ITGBL1: variants seen among roughly 807,000 people sequenced by gnomAD.
ITGBL1 encodes the protein integrin subunit beta like 1.
A neutral mutation model predicts 68.5 loss-of-function variants in ITGBL1; 51 were observed. The observed-to-expected ratio is 0.74, with a 90% CI of 0.59 to 0.94. The LOEUF is 0.94. ITGBL1 is among the 40% of genes least tolerant of loss of function. The pLI, the probability that ITGBL1 is intolerant of heterozygous loss-of-function variation, is 0.00. For missense variants in ITGBL1, 649 were observed against 647.4 expected (o/e 1.00, Z -0.03); for synonymous variants, 209 against 227.3 (o/e 0.92, Z 0.72).
chr13:101,713,016 C>T lies in ITGBL1; in HGVS notation c.1280-1422C>T, dbSNP rs149680966. ...AACCTGGACCCTCAGGAAAACAAGT[C>T]AAGACTAAATACAATTATGCCATAG... On this transcript the variant is annotated intron_variant, in intron 9 of 10. Coordinates refer to ENST00000376180, the MANE Select transcript of ITGBL1 (RefSeq NM_004791.3). 81 of 152,266 alleles carry T rather than the reference C, an allele frequency of 5.3e-4. 1 individual carries two copies. The highest frequency in any genetic ancestry group is 1.8e-3 in the African/African-American group (76 of 41,556). 9.4% of individuals were successfully genotyped at this position (152,266 alleles called of 1,614,324 possible). A position where few individuals can be genotyped will look rare whatever the true frequency, so the allele number is the denominator to read the frequency against.
At chr13:101,496,640 C>A (rs970075364) in intron 2 of ITGBL1, among the ~76,000 whole-genome samples, 3 of 152,110 alleles carry the variant, frequency 2.0e-5, no homozygotes, top group Non-Finnish European at 2.9e-5. Flanking sequence ...TCCCTTGGAA[C>A]CTTTTACCCT....
chr13:101,720,693 G>GA (rs1023137885), downstream of ITGBL1: 2 of 151,922 alleles, frequency 1.3e-5, no homozygotes, highest in African/African-American at 4.8e-5. Flanking sequence ...TATGTTTTCT[G>GA]AAAATAATTG....
chr13:101,461,424 C>T (rs145175768), intron 2 of ITGBL1, among the ~76,000 whole-genome samples: 4 of 152,240 alleles, frequency 2.6e-5, no homozygotes, highest in African/African-American at 9.6e-5. Flanking sequence ...GGTGTAGTGG[C>T]TCACATCGCC....
At chr13:101,659,039 A>ATTTTTTTTTTTT (rs55935871) in intron 7 of ITGBL1, among the ~76,000 whole-genome samples, 1 of 103,848 alleles carries the variant, frequency 9.6e-6, no homozygotes, top group Non-Finnish European at 1.8e-5. Flanking sequence ...TGGTGATTGA[A>ATTTTTTTTTTTT]TTTTTTTTTT....
At chr13:101,676,244 A>G (rs1369499440) in intron 7 of ITGBL1, among the ~76,000 whole-genome samples, 1 of 151,874 alleles carries the variant, frequency 6.6e-6, no homozygotes, top group African/African-American at 2.4e-5. Context: ...TGGTGTGTTT[A>G]AACATTGTTT....
intron 7 of ITGBL1, among the ~76,000 whole-genome samples, chr13:101,645,034 C>T (rs549403355): frequency 1.3e-5 from 2 of 152,222 alleles, no homozygotes; most frequent in African/African-American, 4.8e-5. Context: ...GACTCAATAA[C>T]AGACACACCC....
At chr13:101,672,228 T>A (rs928266017) in intron 7 of ITGBL1, among the ~76,000 whole-genome samples, 6 of 152,230 alleles carry the variant, frequency 3.9e-5, no homozygotes, top group African/African-American at 1.4e-4. Flanking sequence ...ATGTTGGCCC[T>A]GTGCATAGTT....
At chr13:101,598,036 T>A (rs1594915895) in intron 6 of ITGBL1, 117 bp from the exon 7 acceptor site, 2 of 923,124 alleles carry the variant, frequency 2.2e-6, no homozygotes, top group African/African-American at 3.3e-5. Flanking sequence ...CTTAATATGT[T>A]ATATTATGTT....
chr13:101,625,269 G>T lies in ITGBL1; in HGVS notation c.1015+26970G>T, dbSNP rs189684993. 3.1e-4 allele frequency among the ~76,000 whole-genome samples: 47 copies of T among 152,294 alleles called. 1 individual carries two copies. The South Asian group carries it at 8.9e-3, about 29-fold the overall frequency. On this transcript the variant is annotated intron_variant, in intron 7 of 10. Transcript: ENST00000376180. ...AACACTCTTGGCACAGACTTTAGCCGTTGAGGAACTTCTTAGTTATAAATG... is the reference window on the plus strand; with the variant it reads ...AACACTCTTGGCACAGACTTTAGCCTTTGAGGAACTTCTTAGTTATAAATG...
chr13:101,597,215 C>T (rs1443041389), intron 6 of ITGBL1, among the ~76,000 whole-genome samples: 1 of 152,076 alleles, frequency 6.6e-6, no homozygotes, highest in Non-Finnish European at 1.5e-5. Flanking sequence ...TTTTGCTGTG[C>T]ACCTAAAACT....
intron 7 of ITGBL1, among the ~76,000 whole-genome samples, chr13:101,673,776 C>T (rs940433596): frequency 6.6e-6 from 1 of 152,148 alleles, no homozygotes; most frequent in South Asian, 2.1e-4. Context: ...GAGATGATAA[C>T]CCTTGTCTAT....
At chr13:101,493,247 T>C (rs1272640680) in intron 2 of ITGBL1, among the ~76,000 whole-genome samples, 1 of 152,162 alleles carries the variant, frequency 6.6e-6, no homozygotes, top group Non-Finnish European at 1.5e-5. Flanking sequence ...GAGCTCTTGC[T>C]TTTTTGTCTT....
At chr13:101,495,999 A>G (rs561296125) in intron 2 of ITGBL1, among the ~76,000 whole-genome samples, 5 of 152,258 alleles carry the variant, frequency 3.3e-5, no homozygotes, top group Admixed American at 6.5e-5. Flanking sequence ...TTTTCTTAAT[A>G]TTCTTTAATT....
chr13:101,507,055 T>A (rs2049037212), intron 2 of ITGBL1, among the ~76,000 whole-genome samples: 1 of 152,094 alleles, frequency 6.6e-6, no homozygotes, highest in Admixed American at 6.6e-5. Flanking sequence ...AAGAAGACAT[T>A]TGGGAGAAAA....
At chr13:101,717,501 AT>A (rs1312035150), downstream of ITGBL1, 1 of 152,116 alleles carries the variant, frequency 6.6e-6, no homozygotes, top group Non-Finnish European at 1.5e-5. Flanking sequence ...TTTTGTAGCA[AT>A]TTTGATGACG....
At chr13:101,588,693 TAA>T (rs3063720) in intron 6 of ITGBL1, among the ~76,000 whole-genome samples, 68,972 of 147,632 alleles carry the variant, frequency 0.47, 16,795 homozygotes, top group East Asian at 0.67. Flanking sequence ...ATTTGTCTAT[TAA>T]AAAAAAAAAA....
intron 3 of ITGBL1, among the ~76,000 whole-genome samples, chr13:101,574,049 A>G (rs2050315145): frequency 6.6e-6 from 1 of 151,776 alleles, no homozygotes; most frequent in African/African-American, 2.4e-5. Context: ...CAGTTCATTC[A>G]CTCTTATGCT....
intron 2 of ITGBL1, among the ~76,000 whole-genome samples, chr13:101,539,050 CTTTTT>C (rs35288585): frequency 1.0e-5 from 1 of 99,624 alleles, no homozygotes; most frequent in African/African-American, 3.8e-5. Flanking sequence ...TGTGCTGCTT[CTTTTT>C]TTTTTTTTTT....
intron 2 of ITGBL1, among the ~76,000 whole-genome samples, chr13:101,494,415 C>A (rs2048825326): frequency 6.6e-6 from 1 of 152,042 alleles, no homozygotes; most frequent in Non-Finnish European, 1.5e-5. Flanking sequence ...TGGAAAAGGG[C>A]TAAAATATGA....
Sources: allele counts gnomAD v4.1 joint callset (sites outside exome capture counted in the v4.1 genomes callset), GRCh38; gene constraint gnomAD v4.1.1; transcripts MANE v1.5; gene names NCBI Gene and HGNC (gene_info 2026-07-23, HGNC 2026-07-21).